The following ZNF474 variants were observed in gnomAD, a reference collection of about 807,000 sequenced individuals.
ZNF474 encodes zinc finger protein 474, also known as 4933409D10Rik.
For missense variants in ZNF474, 511 were observed against 433.8 expected, an observed-to-expected ratio of 1.18 and a Z score of -1.58; for synonymous variants, 192 against 162.2, an observed-to-expected ratio of 1.18 and a Z score of -1.39.
At chr5:122,141,665 C>G (rs910735886) in intron 1 of ZNF474, among the ~76,000 whole-genome samples, 1 of 151,848 alleles carries the variant, frequency 6.6e-6, no homozygotes, top group African/African-American at 2.4e-5. Flanking sequence ...GTCTTGAACT[C>G]CTGACTCAAG....
chr5:122,152,955 G>T lies in ZNF474; in HGVS notation c.965G>T (p.Ser322Ile). The T allele has an allele frequency of 1.9e-6, 3 of 1,614,030 alleles. No individual in the cohort carries two copies. The highest frequency in any genetic ancestry group is 2.5e-6 in the Non-Finnish European group (3 of 1,180,038). ...GPKYQNLNLG[S>I]KGGLKEYTNS... Reference sequence around the variant, plus strand: ...AAATATCAGAATTTGAATTTAGGGAGTAAAGGAGGCCTAAAAGAGTACACT... The same window carrying T: ...AAATATCAGAATTTGAATTTAGGGATTAAAGGAGGCCTAAAAGAGTACACT... Residue 322 changes from serine to isoleucine, a missense_variant, in exon 2 of 2, where the codon AGT (serine) becomes ATT (isoleucine). Coordinates refer to ENST00000296600, the MANE Select transcript of ZNF474 (RefSeq NM_207317.3).
chr5:122,138,797 T>A (rs1014965946), intron 1 of ZNF474, among the ~76,000 whole-genome samples: 1 of 152,178 alleles, frequency 6.6e-6, no homozygotes, highest in Non-Finnish European at 1.5e-5. Flanking sequence ...TGTGTGTGTA[T>A]GTGTATGTGT....
intron 1 of ZNF474, among the ~76,000 whole-genome samples, chr5:122,149,022 G>A (rs907567957): frequency 2.6e-5 from 4 of 152,054 alleles, no homozygotes; most frequent in Admixed American, 1.3e-4. Context: ...GAACCACCGC[G>A]CCCGGCCTGG....
intron 1 of ZNF474, among the ~76,000 whole-genome samples, chr5:122,135,720 G>T (rs1463569927): frequency 6.6e-6 from 1 of 152,138 alleles, no homozygotes; most frequent in East Asian, 1.9e-4. Flanking sequence ...ATCCACAAGA[G>T]CCAAGGTATG....
At chr5:122,149,741 C>T (rs1296207331) in intron 1 of ZNF474, among the ~76,000 whole-genome samples, 1 of 152,080 alleles carries the variant, frequency 6.6e-6, no homozygotes, top group Non-Finnish European at 1.5e-5. Flanking sequence ...ATTATGTTTA[C>T]AAAAAATCTG....
chr5:122,136,303 AAAG>A (rs1755698745), intron 1 of ZNF474, among the ~76,000 whole-genome samples: 1 of 152,156 alleles, frequency 6.6e-6, no homozygotes, highest in Non-Finnish European at 1.5e-5. Flanking sequence ...AAAATTTAAA[AAAG>A]AAGATATCTG....
rs543997871 is a variant in ZNF474 at position 122,140,472 on chromosome 5, T to G, written c.-213+10789T>G. On this transcript the variant is annotated intron_variant, in intron 1 of 1. Transcript: ENST00000296600. ...GCATATGAATCTACAATTATCTCAG[T>G]AAAAATTACAATAAAAAATACAATT... Among the ~76,000 whole-genome samples, 15 of 152,302 alleles carry G rather than the reference T, an allele frequency of 9.8e-5. No individual in the cohort carries two copies. The South Asian group carries it at 2.9e-3, about 29-fold the overall frequency.
chr5:122,149,371 T>C (rs1447696752), intron 1 of ZNF474, among the ~76,000 whole-genome samples: 1 of 152,204 alleles, frequency 6.6e-6, no homozygotes, highest in Non-Finnish European at 1.5e-5. Context: ...TTCTGCTTTG[T>C]CCCTCTCAGA....
chr5:122,131,694 T>C (rs1755581890), intron 1 of ZNF474, among the ~76,000 whole-genome samples: 1 of 152,090 alleles, frequency 6.6e-6, no homozygotes, highest in South Asian at 2.1e-4. Context: ...AGGGTAGATA[T>C]TTGTAATAAA....
At position 122,152,312 on chromosome 5, in the gene ZNF474, T is replaced by C; in HGVS notation, c.322T>C (p.Ser108Pro). ...CTGTGGCCGAGAATTTGGGTCCCAG[T>C]CAATTGCCATTCATGAACCCCAGTG... Reference protein sequence around the residue: ...YICGREFGSQSIAIHEPQCLQ... With the variant: ...YICGREFGSQPIAIHEPQCLQ... Residue 108 changes from serine to proline, a missense_variant, in exon 2 of 2, where the codon TCA becomes CCA. Coordinates refer to ENST00000296600, the MANE Select transcript of ZNF474 (RefSeq NM_207317.3). 1 of 1,614,176 alleles carries C rather than the reference T, an allele frequency of 6.2e-7. No individual in the cohort carries two copies. Among genetic ancestry groups the C allele is most frequent in the Non-Finnish European group, 8.5e-7 (1 of 1,180,034 alleles).
intron 1 of ZNF474, among the ~76,000 whole-genome samples, chr5:122,144,416 G>T (rs1407986488): frequency 6.6e-6 from 1 of 152,148 alleles, no homozygotes; most frequent in East Asian, 1.9e-4. Flanking sequence ...TGAGCTACAG[G>T]CACAGCTGTT....
At chr5:122,139,275 T>A (rs552508794) in intron 1 of ZNF474, among the ~76,000 whole-genome samples, 84 of 152,326 alleles carry the variant, frequency 5.5e-4, no homozygotes, top group African/African-American at 1.9e-3. Context: ...AAATAAAGTT[T>A]TCAACAGAGA....
At chr5:122,141,300 ATTTTT>A (rs368273210) in intron 1 of ZNF474, among the ~76,000 whole-genome samples, 3 of 64,360 alleles carry the variant, frequency 4.7e-5, no homozygotes, top group African/African-American at 2.2e-4. Context: ...ACCCCTGGCT[ATTTTT>A]TTTTTTTTTT....
chr5:122,150,939 G>A (rs1326998673), intron 1 of ZNF474, among the ~76,000 whole-genome samples: 1 of 152,170 alleles, frequency 6.6e-6, no homozygotes, highest in Non-Finnish European at 1.5e-5. Flanking sequence ...ATCCCACCAG[G>A]ATGGGTGCCG....
At chr5:122,147,324 A>G (rs1166796687) in intron 1 of ZNF474, among the ~76,000 whole-genome samples, 3 of 152,178 alleles carry the variant, frequency 2.0e-5, no homozygotes, top group Non-Finnish European at 2.9e-5. Context: ...ATTCAATACT[A>G]ATAGAGAAGG....
At chr5:122,151,738 T>TG in intron 1 of ZNF474, 41 bp from the exon 2 acceptor site, 1 of 392,056 alleles carries the variant, frequency 2.6e-6, no homozygotes, top group Non-Finnish European at 4.7e-6. Context: ...TGTGTGTGTG[T>TG]TTACATAATA....
intron 1 of ZNF474, among the ~76,000 whole-genome samples, chr5:122,145,760 T>C (rs1230441004): frequency 6.6e-6 from 1 of 152,364 alleles, no homozygotes; most frequent in East Asian, 1.9e-4. Context: ...TTTTGTAAGA[T>C]TCTATGAAAG....
rs189021386 is a variant in ZNF474, at chr5:122,146,888, C to T, written c.-212-4891C>T. Among the ~76,000 whole-genome samples the T allele has an allele frequency of 1.5e-3, 230 of 152,294 alleles. 1 individual carries two copies. Among genetic ancestry groups the T allele is most frequent in the African/African-American group, 5.3e-3 (222 of 41,550 alleles). Reference sequence around the variant, plus strand: ...TCAGTAAGAAGGAAAGGAAGAGAAGCAATTGTTCTCTTCTTCCTTTTCAAG... The same window carrying T: ...TCAGTAAGAAGGAAAGGAAGAGAAGTAATTGTTCTCTTCTTCCTTTTCAAG... On this transcript the variant is annotated intron_variant, in intron 1 of 1. Coordinates refer to ENST00000296600, the MANE Select transcript of ZNF474 (RefSeq NM_207317.3).
intron 1 of ZNF474, among the ~76,000 whole-genome samples, chr5:122,135,503 C>T (rs146823133): frequency 3.3e-5 from 5 of 152,080 alleles, no homozygotes; most frequent in East Asian, 1.9e-4. Flanking sequence ...TGATTGGTGG[C>T]GAGGATGTGG....
Sources: allele counts gnomAD v4.1 joint callset (sites outside exome capture counted in the v4.1 genomes callset), GRCh38; gene constraint gnomAD v4.1.1; transcripts MANE v1.5; gene names NCBI Gene and HGNC (gene_info 2026-07-23, HGNC 2026-07-21).